CEP104: variants seen among roughly 807,000 people sequenced by gnomAD.
CEP104 encodes the protein centrosomal protein 104.
CEP104 carries 84 observed loss-of-function variants against 113.3 expected under a neutral mutation model. The observed-to-expected ratio is 0.74, with a 90% CI of 0.62 to 0.89. The LOEUF (loss-of-function observed/expected upper bound fraction) is 0.89. CEP104 is among the 40% of genes least tolerant of loss of function. The pLI, the probability that CEP104 is intolerant of heterozygous loss-of-function variation, is 0.00. For synonymous variants in CEP104, 378 were observed against 421.7 expected, an observed-to-expected ratio of 0.90 and a Z score of 1.27; for missense variants, 1,053 against 1,156.6, an observed-to-expected ratio of 0.91 and a Z score of 1.30.
intron 12 of CEP104, among the ~76,000 whole-genome samples, chr1:3,832,525 T>C (rs937760136): frequency 1.1e-5 from 1 of 93,696 alleles, no homozygotes; most frequent in Middle Eastern, 6.4e-3. Flanking sequence ...TGACCAGGAG[T>C]GTAGTGTAGG....
chr1:3,845,439 G>T (rs976488678), intron 4 of CEP104, 88 bp from the exon 5 acceptor site: 3 of 1,026,430 alleles, frequency 2.9e-6, no homozygotes, highest in Non-Finnish European at 3.0e-6. Context: ...ACAGGGTCTC[G>T]TCTGTCACCC....
chr1:3,840,468 C>T (rs142694281), intron 6 of CEP104, among the ~76,000 whole-genome samples: 144 of 152,278 alleles, frequency 9.5e-4, no homozygotes, highest in African/African-American at 3.3e-3. Context: ...AAACTCCTGA[C>T]CTCAAGTGAT....
intron 4 of CEP104, 84 bp downstream of exon 4, chr1:3,847,391 A>T: frequency 7.8e-7 from 1 of 1,282,544 alleles, no homozygotes; most frequent in East Asian, 2.3e-5. Flanking sequence ...CACCTTGAAA[A>T]TGCATCTAAG....
At position 3,814,661 on chromosome 1, in the gene CEP104, G is replaced by T. The variant is rs1643846664; in HGVS notation, c.*741C>A. The T allele has an allele frequency of 6.6e-6, 1 of 152,246 alleles. No homozygotes were observed. The highest frequency in any genetic ancestry group is 2.4e-5 in the African/African-American group (1 of 41,466). 9.4% of individuals were successfully genotyped at this position (152,246 alleles called of 1,614,324 possible). The stretch of plus-strand genomic sequence containing the variant: ...AAAGGCACGGGAAGGGCCCACACCT[G>T]TGTCTACCTCAGTTCCAGCAGGGAG... On this transcript the variant is annotated 3_prime_UTR_variant, in exon 22 of 22. Coordinates refer to ENST00000378230, the MANE Select transcript of CEP104 (RefSeq NM_014704.4).
Position 3,826,688 on chromosome 1 carries a change from C to T in CEP104, c.2188+20G>A, listed in dbSNP as rs774410981. On this transcript the variant is annotated intron_variant, in intron 16 of 21. Transcript: ENST00000378230. The stretch of plus-strand genomic sequence containing the variant: ...TCTTTACACACCCCAGTTCTTTGTG[C>T]ACCCCAATTCTTTACATACCCTGAT... The T allele has an allele frequency of 8.1e-6, 13 of 1,613,502 alleles. No homozygotes were observed. The highest frequency in any genetic ancestry group is 1.0e-5 in the Non-Finnish European group (12 of 1,179,568).
rs746241279 is a variant in CEP104, at chr1:3,829,798, T to C, written c.2036A>G (p.Glu679Gly). The C allele has an allele frequency of 6.2e-7, 1 of 1,613,978 alleles. No individual in the cohort carries two copies. Among genetic ancestry groups the C allele is most frequent in the Non-Finnish European group, 8.5e-7 (1 of 1,179,954 alleles). The stretch of plus-strand genomic sequence containing the variant: ...TCACCAAAGTTAACTCACCCTCATC[T>C]CAGCATCTGTAGCTCTGCCATCTAT... ...AKIDGRATDA[E>G]MRARRKAATE... Residue 679 changes from glutamate to glycine, a missense_variant, in exon 14 of 22, where the codon GAG becomes GGG. Glu to Gly is a moderately conservative substitution (Grantham distance 98, BLOSUM62 -2). Coordinates refer to ENST00000378230, the MANE Select transcript of CEP104 (RefSeq NM_014704.4).
At chr1:3,839,865 C>G in intron 6 of CEP104, 89 bp from the exon 7 acceptor site, 2 of 994,478 alleles carry the variant, frequency 2.0e-6, no homozygotes, top group Non-Finnish European at 3.0e-6. Context: ...TGCCCCTCCC[C>G]ATCCTGCCCC....
intron 4 of CEP104, among the ~76,000 whole-genome samples, chr1:3,846,476 A>G (rs1180119251): frequency 6.6e-6 from 1 of 152,388 alleles, no homozygotes; most frequent in South Asian, 2.1e-4. Context: ...TTTTAAATGC[A>G]GGGCACATAT....
chr1:3,842,584 T>C (rs1644433069), intron 6 of CEP104, among the ~76,000 whole-genome samples: 1 of 152,188 alleles, frequency 6.6e-6, no homozygotes. Context: ...GAGAATCTGA[T>C]CCAGGTTGTG....
In CEP104 at chr1:3,831,185, A is replaced by T. The variant is rs1203251227; in HGVS notation, c.1697T>A (p.Ile566Asn). The T allele has an allele frequency of 6.2e-7, 1 of 1,614,070 alleles. No homozygotes were observed. The highest frequency in any genetic ancestry group is 8.5e-7 in the Non-Finnish European group (1 of 1,180,010). The change falls in exon 13 of 22, where the codon ATT becomes AAT. Residue 566 changes from isoleucine to asparagine, a missense_variant. Coordinates refer to ENST00000378230, the MANE Select transcript of CEP104 (RefSeq NM_014704.4). ...ALFKEVKSLQ[I>N]IPSYLVQPLK... ...TGGCTGCACCAGGTAGGATGGAATA[A>T]TTTGGAGAGACTTAACTTCTTTAAA...
intron 20 of CEP104, among the ~76,000 whole-genome samples, chr1:3,818,734 T>C (rs987942139): frequency 1.3e-5 from 2 of 152,246 alleles, no homozygotes; most frequent in African/African-American, 4.8e-5. Context: ...CCTTTTACAA[T>C]TTAATAGTTT....
chr1:3,816,918 C>T (rs183930482), intron 20 of CEP104, among the ~76,000 whole-genome samples: 40 of 152,376 alleles, frequency 2.6e-4, no homozygotes, highest in African/African-American at 7.7e-4. Context: ...GCTGTGGGAC[C>T]GTCTGCATGG....
At chr1:3,836,370 A>C in intron 10 of CEP104, 125 bp downstream of exon 10, 2 of 987,090 alleles carry the variant, frequency 2.0e-6, no homozygotes, top group South Asian at 3.5e-5. Context: ...GGAAGTCAAC[A>C]ATATTACAAA....
chr1:3,845,153 A>C, intron 5 of CEP104, 136 bp downstream of exon 5: 1 of 842,856 alleles, frequency 1.2e-6, no homozygotes, highest in East Asian at 2.5e-5. Context: ...ACAGCTCCTA[A>C]AAATCATCTG....
intron 10 of CEP104, 124 bp from the exon 11 acceptor site, chr1:3,835,216 G>A: frequency 3.2e-6 from 2 of 619,816 alleles, no homozygotes; most frequent in South Asian, 4.8e-5. Context: ...TTTTATAAAT[G>A]AAAATGATTC....
At chr1:3,826,464 CTT>C in intron 16 of CEP104, 28 bp from the exon 17 acceptor site, 1 of 1,586,672 alleles carries the variant, frequency 6.3e-7, no homozygotes, top group Non-Finnish European at 8.6e-7. Context: ...ATTTAAATAA[CTT>C]TTTATAGAAA....
chr1:3,847,190 T>G (rs981266392), intron 4 of CEP104, among the ~76,000 whole-genome samples: 1 of 152,234 alleles, frequency 6.6e-6, no homozygotes, highest in South Asian at 2.1e-4. Flanking sequence ...ATAAAAGTTC[T>G]CATGAACTCT....
rs6688969 is a variant in CEP104, at chr1:3,826,827, C to A, written c.2152-83G>T. Reference sequence around the variant, plus strand: ...GCCTGTTGAAGATATGTTTTCATCACGAAAGCACATTTCTGGGTTTTGTTT... The same window carrying A: ...GCCTGTTGAAGATATGTTTTCATCAAGAAAGCACATTTCTGGGTTTTGTTT... On this transcript the variant is annotated intron_variant, in intron 15 of 21. Transcript: ENST00000378230. 2.9e-6 allele frequency: 4 copies of A among 1,397,352 alleles called. No homozygotes were observed. The Admixed American group carries it at 7.0e-5, about 24-fold the overall frequency. 86.6% of individuals were successfully genotyped at this position (1,397,352 alleles called of 1,614,324 possible).
chr1:3,842,406 C>T (rs1557684630), intron 6 of CEP104, among the ~76,000 whole-genome samples: 1 of 152,158 alleles, frequency 6.6e-6, no homozygotes. Flanking sequence ...ATAGACATTA[C>T]ATGAATAGCC....
Sources: allele counts gnomAD v4.1 joint callset (sites outside exome capture counted in the v4.1 genomes callset), GRCh38; gene constraint gnomAD v4.1.1; transcripts MANE v1.5; gene names NCBI Gene and HGNC (gene_info 2026-07-23, HGNC 2026-07-21).